The following KCNN2 variants were observed in gnomAD, a reference collection of about 807,000 sequenced individuals.
KCNN2 encodes potassium calcium-activated channel subfamily N member 2.
In KCNN2, 24 loss-of-function variants were observed where a neutral mutation model predicts 55.5. The observed-to-expected ratio is 0.43, with a 90% CI of 0.31 to 0.61. KCNN2 has a LOEUF of 0.61. Ranked by LOEUF, KCNN2 falls within the 20% of genes least tolerant of loss-of-function variation. KCNN2 has a pLI of 0.08. For missense variants in KCNN2, 754 were observed against 853.6 expected, an observed-to-expected ratio of 0.88 and a Z score of 1.45; for synonymous variants, 431 against 336.1, an observed-to-expected ratio of 1.28 and a Z score of -3.09.
chr5:114,056,921 G>C (rs59021315), intron 1 of KCNN2, among the ~76,000 whole-genome samples: 2,858 of 152,256 alleles, frequency 0.019, 93 homozygotes, highest in African/African-American at 0.066. Context: ...TGATTTTTCT[G>C]TGTAATGCTG....
upstream of KCNN2, among the ~76,000 whole-genome samples, chr5:114,359,147 A>G (rs757457774): frequency 3.3e-5 from 5 of 152,204 alleles, no homozygotes; most frequent in African/African-American, 1.2e-4. Flanking sequence ...TCTCTGTCCA[A>G]TCACAGTGAG....
At position 114,443,230 on chromosome 5, in the gene KCNN2, G is replaced by A. The variant is rs1386072311; in HGVS notation, c.1638-19819G>A. ...TGCTTGAACGCAGGAGGGGGAGGTT[G>A]CAGTGAGCCGAGATCATGCCACTGA... On this transcript the variant is annotated intron_variant, in intron 3 of 7. Coordinates refer to ENST00000673685, the MANE Select transcript of KCNN2 (RefSeq NM_021614.4). Among the ~76,000 whole-genome samples, 4 of 151,930 alleles carry A rather than the reference G, an allele frequency of 2.6e-5. No individual in the cohort carries two copies. In the East Asian group the frequency reaches 5.8e-4, roughly 22 times the overall value.
intron 1 of KCNN2, among the ~76,000 whole-genome samples, chr5:114,206,437 G>C (rs10040061): frequency 0.13 from 19,467 of 152,040 alleles, 1,741 homozygotes; most frequent in East Asian, 0.53. Context: ...TTCTGTTAGC[G>C]ACATCATCTT....
At chr5:114,188,780 T>C (rs926778915) in intron 1 of KCNN2, among the ~76,000 whole-genome samples, 1 of 152,124 alleles carries the variant, frequency 6.6e-6, no homozygotes, top group Admixed American at 6.6e-5. Context: ...TGTTGAAAAT[T>C]ATTATATGAA....
At chr5:114,444,326 G>A (rs181488582) in intron 3 of KCNN2, among the ~76,000 whole-genome samples, 28 of 152,102 alleles carry the variant, frequency 1.8e-4, no homozygotes, top group Admixed American at 1.5e-3. Flanking sequence ...AGGGGTTAGA[G>A]TATTAAGAAA....
intron 3 of KCNN2, among the ~76,000 whole-genome samples, chr5:114,432,136 C>G (rs1759816775): frequency 6.6e-6 from 1 of 152,190 alleles, no homozygotes. Flanking sequence ...GATTTTCTGC[C>G]TGTTGGATCT....
intron 1 of KCNN2, among the ~76,000 whole-genome samples, chr5:114,150,052 T>A (rs1349147969): frequency 6.6e-6 from 1 of 152,172 alleles, no homozygotes; most frequent in East Asian, 1.9e-4. Context: ...CCTCCCTGAC[T>A]GCATGTCCGT....
intron 2 of KCNN2, among the ~76,000 whole-genome samples, chr5:114,380,344 G>A (rs1386010960): frequency 3.9e-5 from 6 of 152,130 alleles, no homozygotes; most frequent in Non-Finnish European, 8.8e-5. Flanking sequence ...CAAACATGGT[G>A]CTGTCACAAC....
In KCNN2 at chr5:114,297,832, C is replaced by T. The variant is rs556267276; in HGVS notation, c.-184-63113C>T. Among the ~76,000 whole-genome samples the T allele has an allele frequency of 1.6e-4, 25 of 152,100 alleles. No homozygotes were observed. In the South Asian group the frequency reaches 3.7e-3, roughly 23 times the overall value. ...AATTATGTATTACATAACAAGTTTA[C>T]AGTATATAACAAGGCTTGTAACACA... is the stretch of plus-strand genomic sequence containing the variant. On this transcript the variant is annotated intron_variant, in intron 2 of 10. Coordinates refer to the KCNN2 transcript ENST00000512097.
chr5:114,352,145 T>C (rs975590371), intron 2 of KCNN2, among the ~76,000 whole-genome samples: 12 of 151,802 alleles, frequency 7.9e-5, no homozygotes, highest in Non-Finnish European at 1.3e-4. Flanking sequence ...TTAATCACGG[T>C]CAGTTTTTGT....
intron 2 of KCNN2, among the ~76,000 whole-genome samples, chr5:114,231,852 G>GT (rs70976321): frequency 0.12 from 17,940 of 147,920 alleles, 1,364 homozygotes; most frequent in Middle Eastern, 0.23. Flanking sequence ...AAAATGCCTT[G>GT]TTTTTTTTTT....
upstream of KCNN2, among the ~76,000 whole-genome samples, chr5:114,359,300 TCCTGTGTACCC>T (rs1208750838): frequency 6.6e-6 from 1 of 152,186 alleles, no homozygotes; most frequent in Non-Finnish European, 1.5e-5. Context: ...CATTCTATCC[TCCTGTGTACCC>T]CCTTGAAGAG....
intron 1 of KCNN2, among the ~76,000 whole-genome samples, chr5:114,158,896 A>G (rs1752700422): frequency 6.6e-6 from 1 of 152,066 alleles, no homozygotes; most frequent in African/African-American, 2.4e-5. Flanking sequence ...GTTTAAGGAG[A>G]TTTTGGGCTG....
intron 1 of KCNN2, among the ~76,000 whole-genome samples, chr5:114,158,989 CT>C: frequency 6.6e-6 from 1 of 152,064 alleles, no homozygotes; most frequent in East Asian, 1.9e-4. Context: ...ATTGAATACC[CT>C]TTATTTCTTT....
intron 3 of KCNN2, among the ~76,000 whole-genome samples, chr5:114,442,677 G>A (rs540601890): frequency 6.6e-6 from 1 of 152,140 alleles, no homozygotes. Context: ...CCATAAACCT[G>A]CCCCTCGGGT....
intron 2 of KCNN2, among the ~76,000 whole-genome samples, chr5:114,385,349 A>C (rs1029400362): frequency 6.6e-6 from 1 of 152,062 alleles, no homozygotes; most frequent in East Asian, 1.9e-4. Context: ...GAAATTTACA[A>C]ATACTTAATT....
intron 1 of KCNN2, among the ~76,000 whole-genome samples, chr5:114,168,963 G>C (rs1019415554): frequency 1.3e-5 from 2 of 152,032 alleles, no homozygotes; most frequent in Non-Finnish European, 2.9e-5. Flanking sequence ...CTGGATCATG[G>C]GGACAGATTC....
chr5:114,056,170 A>G (rs1026541687), exon 1 of KCNN2: 14 of 391,828 alleles, frequency 3.6e-5, no homozygotes, highest in African/African-American at 1.4e-4. Context: ...TTGGACCCCA[A>G]TCAGCAGCGA....
chr5:114,392,396 G>A (rs1018152243), intron 2 of KCNN2, among the ~76,000 whole-genome samples: 3 of 152,142 alleles, frequency 2.0e-5, no homozygotes, highest in Admixed American at 1.3e-4. Flanking sequence ...CTAGAGAGGA[G>A]TTGGCAATTC....
Sources: gnomAD v4.1 joint callset for allele counts (sites outside exome capture counted in the v4.1 genomes callset) on GRCh38, gnomAD v4.1.1 for gene constraint, MANE v1.5 for transcripts, NCBI Gene and HGNC (gene_info 2026-07-23, HGNC 2026-07-21) for gene names.